Variants in TP73 observed in about 807,000 individuals in gnomAD.
The protein encoded by TP73 is tumor protein p73, also known as p53-like transcription factor.
Under a neutral mutation model 62.5 loss-of-function variants are expected in TP73, and 25 were observed. The ratio of observed to expected loss-of-function variants is 0.40; its 90% CI spans 0.29 to 0.56. The LOEUF (loss-of-function observed/expected upper bound fraction) is 0.56, where lower values mean the gene tolerates loss of function less well. Ranked by LOEUF, TP73 falls within the 20% of genes least tolerant of loss-of-function variation. The probability of loss-of-function intolerance (pLI) is 0.46; values close to 1 mark genes in which losing one functional copy is unlikely to be tolerated. For synonymous variants in TP73, 423 were observed against 377.5 expected (o/e 1.12, Z -1.40); for missense variants, 754 against 913.3 (o/e 0.83, Z 2.25).
rs761240758 is a variant in TP73 at position 3,723,319 on chromosome 1, A to G, written c.617-35A>G. ...ACCTAGCACAGGGGTGGGCACCTCTATGCACCTCTCTGAAGTGTCGACCCC... is the reference window on the plus strand; with the variant it reads ...ACCTAGCACAGGGGTGGGCACCTCTGTGCACCTCTCTGAAGTGTCGACCCC... On this transcript the variant is annotated intron_variant, in intron 5 of 13. Coordinates refer to ENST00000378295, the MANE Select transcript of TP73 (RefSeq NM_005427.4). 10 of 1,567,388 alleles carry G rather than the reference A, an allele frequency of 6.4e-6. No individual in the cohort carries two copies. In the East Asian group the frequency reaches 1.1e-4, roughly 18 times the overall value.
Position 3,735,265 on chromosome 1 carries a change from C to T in TP73, c.*2186C>T, listed in dbSNP as rs1642394231. 1 of 152,292 alleles carries T rather than the reference C, an allele frequency of 6.6e-6. No individual in the cohort carries two copies. The highest frequency in any genetic ancestry group is 2.4e-5 in the African/African-American group (1 of 41,442). 9.4% of individuals were successfully genotyped at this position (152,292 alleles called of 1,614,324 possible). ...ATCCTGACACCCGGGGTTCCTCAGCCCAGCGCAGATGTGCTTCAGTTCCAG... is the reference window on the plus strand; with the variant it reads ...ATCCTGACACCCGGGGTTCCTCAGCTCAGCGCAGATGTGCTTCAGTTCCAG... On this transcript the variant is annotated 3_prime_UTR_variant, in exon 14 of 14. Transcript: ENST00000378295.
chr1:3,714,690 C>T (rs772971477), intron 4 of TP73, among the ~76,000 whole-genome samples: 9 of 152,262 alleles, frequency 5.9e-5, no homozygotes, highest in Admixed American at 1.3e-4. Flanking sequence ...GAGGACCCTG[C>T]GCTTGGTCCC....
Position 3,677,306 on chromosome 1 carries a change from G to A in TP73, c.-33-5027G>A, listed in dbSNP as rs569034671. Among the ~76,000 whole-genome samples, 66 of 152,284 alleles carry A rather than the reference G, an allele frequency of 4.3e-4. 2 individuals are homozygous for A. The Middle Eastern group carries it at 0.01, about 24-fold the overall frequency. ...GGTCTGGGTTTGCCGGAGGGCCCTC[G>A]GTGGCTGGTCTTTGTCCTGCTCCCA... On this transcript the variant is annotated intron_variant, in intron 1 of 13. Transcript: ENST00000378295.
At chr1:3,728,846 G>A (rs906347271) in intron 9 of TP73, among the ~76,000 whole-genome samples, 1 of 152,178 alleles carries the variant, frequency 6.6e-6, no homozygotes, top group Admixed American at 6.5e-5. Flanking sequence ...GCGTGCAGCT[G>A]CAGTCCCAGC....
rs568065586 is a variant in TP73, at chr1:3,714,588, G to A, written c.429+6797G>A. ...GCTCCAGGGCCTGGCCCACAGTCCCGCTAGCTAGGTCCTTGCCAGAGGCCG... is the reference window on the plus strand; with the variant it reads ...GCTCCAGGGCCTGGCCCACAGTCCCACTAGCTAGGTCCTTGCCAGAGGCCG... On this transcript the variant is annotated intron_variant, in intron 4 of 13. Transcript: ENST00000378295. Among the ~76,000 whole-genome samples the A allele has an allele frequency of 6.6e-4, 101 of 152,400 alleles. 2 individuals carry two copies. The South Asian group carries it at 0.015, about 22-fold the overall frequency.
chr1:3,666,868 T>C lies in TP73; in HGVS notation c.-34+14227T>C, dbSNP rs574607069. ...GATGTTTTTCAATGAGGGACATTTATGGTTGGCAAAAAAAAGTGGCTCCCC... is the reference window on the plus strand; with the variant it reads ...GATGTTTTTCAATGAGGGACATTTACGGTTGGCAAAAAAAAGTGGCTCCCC... On this transcript the variant is annotated intron_variant, in intron 1 of 13. Coordinates refer to ENST00000378295, the MANE Select transcript of TP73 (RefSeq NM_005427.4). The surrounding 1 kb of genome is among the most constrained non-coding windows in gnomAD (Gnocchi z 6.4). Among the ~76,000 whole-genome samples, 19 of 152,218 alleles carry C rather than the reference T, an allele frequency of 1.2e-4. No individual in the cohort carries two copies. Among genetic ancestry groups the C allele is most frequent in the Admixed American group, 1.1e-3 (17 of 15,302 alleles).
Position 3,733,264 on chromosome 1 carries a change from T to A in TP73, c.*185T>A. 1 of 709,376 alleles carries A rather than the reference T, an allele frequency of 1.4e-6. No individual in the cohort carries two copies. Among genetic ancestry groups the A allele is most frequent in the Non-Finnish European group, 2.3e-6 (1 of 437,628 alleles). The allele number at this position is 709,376 out of a possible 1,614,324, so 43.9% of individuals were successfully genotyped here. A position where few individuals can be genotyped will look rare whatever the true frequency, so the allele number is the denominator to read the frequency against. ...GAAAGGCCCAGCCACCGAAGCCGCC[T>A]GTGGACAGCCTGAGTCACCTGCAGA... On this transcript the variant is annotated 3_prime_UTR_variant, in exon 14 of 14. Coordinates refer to ENST00000378295, the MANE Select transcript of TP73 (RefSeq NM_005427.4).
At chr1:3,706,412 C>T (rs568490998) in intron 3 of TP73, among the ~76,000 whole-genome samples, 1 of 142,552 alleles carries the variant, frequency 7.0e-6, no homozygotes, top group African/African-American at 2.7e-5. Context: ...GTGCCCGCCG[C>T]AGGCCCGGGG....
chr1:3,714,222 A>G (rs1353464432), intron 4 of TP73: 2 of 152,302 alleles, frequency 1.3e-5, no homozygotes, highest in African/African-American at 4.8e-5. Flanking sequence ...CACCATGTCC[A>G]CAGCTTACTC....
rs750168991 is a variant in TP73, at chr1:3,730,994, C to T, written c.1413C>T (p.Ser471=). The change falls in exon 12 of 14, where the codon AGC becomes AGT. Residue 471 remains serine, a synonymous_variant. Transcript: ENST00000378295. The stretch of plus-strand genomic sequence containing the variant: ...ACGGCGAGATGAGCAGCAGCCACAG[C>T]GCCCAGTCCATGGTCTCGGGGTCCC... ...PANGEMSSSH[S]AQSMVSGSHC... is the part of the protein sequence containing the mutation. 33 of 1,612,280 alleles carry T rather than the reference C, an allele frequency of 2.0e-5. No individual in the cohort carries two copies. The highest frequency in any genetic ancestry group is 8.0e-5 in the African/African-American group (6 of 74,912).
intron 3 of TP73, among the ~76,000 whole-genome samples, chr1:3,685,803 G>A (rs1645639556): frequency 1.3e-5 from 2 of 152,226 alleles, no homozygotes; most frequent in South Asian, 4.1e-4. Flanking sequence ...GCTGTGCTGG[G>A]GCTGGGGACC....
chr1:3,732,415 T>C (rs951535235), intron 13 of TP73, among the ~76,000 whole-genome samples: 11 of 150,324 alleles, frequency 7.3e-5, no homozygotes, highest in African/African-American at 2.7e-4. Context: ...CCAGAGGGTG[T>C]TGGGAGCTCA....
chr1:3,726,357 T>G lies in TP73; in HGVS notation c.733-758T>G, dbSNP rs141968167. Among the ~76,000 whole-genome samples, 774 of 114,240 alleles carry G rather than the reference T, an allele frequency of 6.8e-3. 10 individuals carry two copies. The highest frequency in any genetic ancestry group is 0.025 in the African/African-American group (732 of 29,480). The allele number at this position is 114,240 out of a possible 152,430, so 74.9% of individuals were successfully genotyped here. A position where few individuals can be genotyped will look rare whatever the true frequency, so the allele number is the denominator to read the frequency against. On this transcript the variant is annotated intron_variant, in intron 6 of 13. Coordinates refer to ENST00000378295, the MANE Select transcript of TP73 (RefSeq NM_005427.4). ...AATGGATGGGTTGATATTGAATGGA[T>G]GGGTGGGTGGATAGATGGGTAGATA...
chr1:3,717,200 C>T (rs1482802452), intron 4 of TP73, among the ~76,000 whole-genome samples: 1 of 152,344 alleles, frequency 6.6e-6, no homozygotes, highest in East Asian at 1.9e-4. Flanking sequence ...TGCCGGGGAG[C>T]GAGGAGCGGG....
At position 3,707,604 on chromosome 1, in the gene TP73, C is replaced by T. The variant is rs749787981; in HGVS notation, c.242C>T (p.Ser81Leu). Reference sequence around the variant, plus strand: ...GACCAGATGAGCAGCCGCGCGGCCTCGGCCAGCCCCTACACCCCAGAGCAC... The same window carrying T: ...GACCAGATGAGCAGCCGCGCGGCCTTGGCCAGCCCCTACACCCCAGAGCAC... ...TMDQMSSRAA[S>L]ASPYTPEHAA... The change falls in exon 4 of 14, where the codon TCG (serine) becomes TTG (leucine). Residue 81 changes from serine to leucine, a missense_variant. Coordinates refer to ENST00000378295, the MANE Select transcript of TP73 (RefSeq NM_005427.4). The T allele has an allele frequency of 5.0e-6, 8 of 1,612,544 alleles. No individual in the cohort carries two copies. Among genetic ancestry groups the T allele is most frequent in the Admixed American group, 3.3e-5 (2 of 59,986 alleles).
In TP73 at chr1:3,732,752, G is replaced by A. The variant is rs766537241; in HGVS notation, c.1584G>A (p.Leu528=). 8 of 1,569,352 alleles carry A rather than the reference G, an allele frequency of 5.1e-6. No homozygotes were observed. The highest frequency in any genetic ancestry group is 6.9e-6 in the Non-Finnish European group (8 of 1,154,618). The change falls in exon 14 of 14, where the codon CTG becomes CTA. Residue 528 remains leucine, a synonymous_variant. Transcript: ENST00000378295. ...YHLQNLTIED[L]GALKIPEQYR... ...AATGCGCCGGCCTCTCGCAGGACCT[G>A]GGGGCCCTGAAGATCCCCGAGCAGT...
In TP73 at chr1:3,684,026, T is replaced by C. The variant is rs1201405022; in HGVS notation, c.186+846T>C. 2.0e-5 allele frequency among the ~76,000 whole-genome samples: 3 copies of C among 152,230 alleles called. No individual in the cohort carries two copies. The East Asian group carries it at 5.8e-4, about 29-fold the overall frequency. ...TCCTCTGGGGGAAAAGGCCAGGCTG[T>C]GGGAGCTGGTGGGGGCCACGCTCCT... is the stretch of plus-strand genomic sequence containing the variant. On this transcript the variant is annotated intron_variant, in intron 3 of 13. Coordinates refer to ENST00000378295, the MANE Select transcript of TP73 (RefSeq NM_005427.4).
At position 3,699,753 on chromosome 1, in the gene TP73, GGA is replaced by G. The variant is rs375238844; in HGVS notation, c.187-7792_187-7791del. 1.1e-4 allele frequency among the ~76,000 whole-genome samples: 17 copies of G among 152,282 alleles called. 1 individual carries two copies. The East Asian group carries it at 1.2e-3, about 10-fold the overall frequency. On this transcript the variant is annotated intron_variant, in intron 3 of 13. Transcript: ENST00000378295. The surrounding 1 kb of genome is among the most constrained non-coding windows in gnomAD (Gnocchi z 4.1). Reference sequence around the variant, plus strand: ...GGATGCTCGGGCGGGGGCAGGAGCTGGAGAGGTGACAGGAGCGAGGGAGGCGG... The same window carrying G: ...GGATGCTCGGGCGGGGGCAGGAGCTGGAGGTGACAGGAGCGAGGGAGGCGG...
At position 3,729,441 on chromosome 1, in the gene TP73, C is replaced by G. The variant is rs753933049; in HGVS notation, c.1189C>G (p.Gln397Glu). Residue 397 changes from glutamine (Q) to glutamate (E), a missense_variant, in exon 10 of 14, where the codon CAG (glutamine) becomes GAG (glutamate). This residue lies in a region of TP73 where 458 missense variants were observed against 528.7 expected (regional missense o/e 0.87). Transcript: ENST00000378295. Reference protein sequence around the residue: ...DSYRQQQQLLQRPSHLQPPSY... With the variant: ...DSYRQQQQLLERPSHLQPPSY... ...CTATCGGCAGCAGCAGCAGCTCCTA[C>G]AGAGGCCGTGAGTCAGCCCTAGCCC... 1.9e-6 allele frequency: 3 copies of G among 1,612,768 alleles called. No individual in the cohort carries two copies. In the Admixed American group the frequency reaches 5.0e-5, roughly 27 times the overall value.
Sources: allele counts gnomAD v4.1 joint callset (sites outside exome capture counted in the v4.1 genomes callset), GRCh38; gene constraint gnomAD v4.1.1; regional missense constraint gnomAD v4.1.1; non-coding constraint Gnocchi (gnomAD v3.1); transcripts MANE v1.5; gene names NCBI Gene and HGNC (gene_info 2026-07-23, HGNC 2026-07-21).